MAT2B: variants seen among roughly 807,000 people sequenced by gnomAD.
MAT2B encodes methionine adenosyltransferase 2 non-catalytic beta subunit.
MAT2B carries 16 observed loss-of-function variants against 36.1 expected under a neutral mutation model. The ratio of observed to expected loss-of-function variants is 0.44; its 90% CI spans 0.30 to 0.67. MAT2B has a LOEUF of 0.67. Ranked by LOEUF, MAT2B falls within the 30% of genes least tolerant of loss-of-function variation. The probability of loss-of-function intolerance (pLI) is 0.09; values close to 1 mark genes in which losing one functional copy is unlikely to be tolerated. For synonymous variants in MAT2B, 148 were observed against 136.9 expected, an observed-to-expected ratio of 1.08 and a Z score of -0.57; for missense variants, 332 against 398.2, an observed-to-expected ratio of 0.83 and a Z score of 1.42.
intron 5 of MAT2B, chr5:163,517,008 G>C (rs1458799777): frequency 2.0e-6 from 1 of 511,098 alleles, no homozygotes; most frequent in Non-Finnish European, 3.4e-6. Context: ...TACTCTTTGG[G>C]GGCTGGGCGT....
chr5:163,516,880 T>C (rs1561658494), intron 5 of MAT2B, 169 bp downstream of exon 5: 1 of 623,336 alleles, frequency 1.6e-6, no homozygotes, highest in Non-Finnish European at 2.8e-6. Flanking sequence ...TCATGAAGAA[T>C]AAAAATATTA....
intron 1 of MAT2B, among the ~76,000 whole-genome samples, chr5:163,510,237 G>T (rs1760015965): frequency 6.6e-6 from 1 of 152,120 alleles, no homozygotes; most frequent in Non-Finnish European, 1.5e-5. Context: ...GGGAAGAAGG[G>T]ACATTTTTGG....
upstream of MAT2B, among the ~76,000 whole-genome samples, chr5:163,504,238 T>C (rs906557720): frequency 2.6e-5 from 4 of 152,106 alleles, no homozygotes; most frequent in East Asian, 1.9e-4. Context: ...CTCTTCTTTG[T>C]TGTCCCCTGA....
At chr5:163,505,464 C>G, upstream of MAT2B, 2 of 1,166,806 alleles carry the variant, frequency 1.7e-6, no homozygotes, top group Non-Finnish European at 2.2e-6. Context: ...TAAGCATCGG[C>G]GCGTGGGCTG....
rs11749102 is a variant in MAT2B at position 163,515,776 on chromosome 5, T to C, written c.527-742T>C. On this transcript the variant is annotated intron_variant, in intron 4 of 6. Transcript: ENST00000321757. ...AATGTGGTTTTGCCTTTTTCTTTTT[T>C]TTTTTTTTTTTTTTTTTTTTGAGAC... Among the ~76,000 whole-genome samples the C allele has an allele frequency of 6.1e-3, 259 of 42,530 alleles. 6 individuals are homozygous for C. The highest frequency in any genetic ancestry group is 0.01 in the Middle Eastern group (1 of 100). The allele number at this position is 42,530 out of a possible 152,430, so 27.9% of individuals were successfully genotyped here. A position where few individuals can be genotyped will look rare whatever the true frequency, so the allele number is the denominator to read the frequency against.
chr5:163,514,581 C>G (rs1760100824), intron 4 of MAT2B, among the ~76,000 whole-genome samples: 1 of 151,172 alleles, frequency 6.6e-6, no homozygotes, highest in Non-Finnish European at 1.5e-5. Flanking sequence ...TATATATTTT[C>G]AAAAAATGTA....
chr5:163,517,459 T>G (rs1760150771), intron 5 of MAT2B, 102 bp from the exon 6 acceptor site: 1 of 592,566 alleles, frequency 1.7e-6, no homozygotes, highest in African/African-American at 1.8e-5. Context: ...GAGGGTTGCC[T>G]TTTAGTTCCT....
At chr5:163,512,220 T>C (rs376437565) in intron 2 of MAT2B, 24 bp downstream of exon 2, 70 of 1,556,052 alleles carry the variant, frequency 4.5e-5, no homozygotes, top group Admixed American at 2.8e-4. Flanking sequence ...TATTTTAAGA[T>C]ATACATGAAC....
chr5:163,506,542 C>G (rs1472684687), intron 1 of MAT2B, among the ~76,000 whole-genome samples: 2 of 152,154 alleles, frequency 1.3e-5, no homozygotes, highest in Admixed American at 1.3e-4. Context: ...ACTACTAATG[C>G]CCAGACCATG....
At chr5:163,511,360 G>A (rs966612366) in intron 1 of MAT2B, among the ~76,000 whole-genome samples, 4 of 150,764 alleles carry the variant, frequency 2.7e-5, no homozygotes, top group Non-Finnish European at 5.9e-5. Context: ...TGGCCTCCCA[G>A]GCTCGTGATC....
Position 163,518,333 on chromosome 5 carries a change from C to T in MAT2B, c.975C>T (p.Asp325=). ...AATCACTTTGGCCTTTCCTCATTGA[C>T]AAGAGATGGAGACAAACGGTCTTTC... The part of the protein sequence containing the change: ...IKESLWPFLI[D]KRWRQTVFH The change falls in exon 7 of 7, where the codon GAC becomes GAT. Residue 325 remains aspartate, a synonymous_variant. Transcript: ENST00000321757. The T allele has an allele frequency of 6.2e-7, 1 of 1,612,244 alleles. No homozygotes were observed. Among genetic ancestry groups the T allele is most frequent in the Non-Finnish European group, 8.5e-7 (1 of 1,179,356 alleles).
chr5:163,509,650 C>G (rs1760007982), intron 1 of MAT2B, among the ~76,000 whole-genome samples: 1 of 152,186 alleles, frequency 6.6e-6, no homozygotes, highest in Non-Finnish European at 1.5e-5. Context: ...CAAATTATCT[C>G]TCTTTTAGAG....
chr5:163,512,253 A>T (rs77036976), intron 2 of MAT2B, 57 bp downstream of exon 2: 52,889 of 1,382,450 alleles, frequency 0.038, 1,216 homozygotes, highest in East Asian at 0.081. Flanking sequence ...TGTCTGGATG[A>T]TACAGAAACT....
chr5:163,507,332 A>G (rs530255438), intron 1 of MAT2B, among the ~76,000 whole-genome samples: 5 of 152,302 alleles, frequency 3.3e-5, no homozygotes, highest in East Asian at 1.9e-4. Context: ...CCCATTACCT[A>G]TACAATTTGG....
intron 6 of MAT2B, 65 bp from the exon 7 acceptor site, chr5:163,518,128 A>T: frequency 8.4e-7 from 1 of 1,190,550 alleles, no homozygotes; most frequent in South Asian, 1.6e-5. Context: ...GTCAGGGGGA[A>T]CAAAGCCCTC....
chr5:163,515,530 TTAACA>T (rs1474041131), intron 4 of MAT2B, among the ~76,000 whole-genome samples: 1 of 152,196 alleles, frequency 6.6e-6, no homozygotes, highest in Non-Finnish European at 1.5e-5. Flanking sequence ...ATTTGGAAAC[TTAACA>T]TTAATATGGT....
chr5:163,514,587 A>C (rs537752249), intron 4 of MAT2B, among the ~76,000 whole-genome samples: 1 of 150,302 alleles, frequency 6.7e-6, no homozygotes, highest in Non-Finnish European at 1.5e-5. Flanking sequence ...TTTTCAAAAA[A>C]TGTATGCATG....
At position 163,517,567 on chromosome 5, in the gene MAT2B, T is replaced by A; in HGVS notation, c.727T>A (p.Ser243Thr). ...ATTGTGTCATCGTTCTTAGGATCCA[T>A]CAATTAAGGGAACCTTTCACTGGTC... ...QLAEKRMLDP[S>T]IKGTFHWSGN... The change falls in exon 6 of 7, where the codon TCA (serine) becomes ACA (threonine). Residue 243 changes from serine to threonine, a missense_variant. Transcript: ENST00000321757. The A allele has an allele frequency of 1.3e-6, 2 of 1,593,096 alleles. No individual in the cohort carries two copies. Among genetic ancestry groups the A allele is most frequent in the South Asian group, 2.2e-5 (2 of 90,688 alleles).
Position 163,512,027 on chromosome 5 carries a change from G to C in MAT2B, c.89G>C (p.Arg30Thr), listed in dbSNP as rs1760055400. 4 of 1,613,996 alleles carry C rather than the reference G, an allele frequency of 2.5e-6. No homozygotes were observed. The highest frequency in any genetic ancestry group is 3.4e-6 in the Non-Finnish European group (4 of 1,179,942). Residue 30 changes from arginine (R) to threonine (T), a missense_variant, in exon 2 of 7, where the codon AGG becomes ACG. Transcript: ENST00000321757. ...GAGGAAGTTAACATCCCTAATAGGA[G>C]GGTTCTGGTTACTGGTGCCACTGGG... is the stretch of plus-strand genomic sequence containing the variant. ...VEEEVNIPNRRVLVTGATGLL... is the reference protein window; with the variant it reads ...VEEEVNIPNRTVLVTGATGLL...
Sources: gnomAD v4.1 joint callset for allele counts (sites outside exome capture counted in the v4.1 genomes callset) on GRCh38, gnomAD v4.1.1 for gene constraint, MANE v1.5 for transcripts, NCBI Gene and HGNC (gene_info 2026-07-23, HGNC 2026-07-21) for gene names.